SDK1: variants seen among roughly 807,000 people sequenced by gnomAD.
SDK1 encodes sidekick cell adhesion molecule 1, also known as protein sidekick-1.
SDK1 carries 157 observed loss-of-function variants against 245.5 expected under a neutral mutation model. The ratio of observed to expected loss-of-function variants is 0.64; its 90% CI spans 0.56 to 0.73. The LOEUF is 0.73. Among genes scored for constraint, SDK1 ranks in the 30% least tolerant of loss-of-function variants. The probability of loss-of-function intolerance (pLI) is 0.00; values close to 1 mark genes in which losing one functional copy is unlikely to be tolerated. For missense variants in SDK1, 3,583 were observed against 3,002.3 expected, an observed-to-expected ratio of 1.19 and a Z score of -4.52; for synonymous variants, 1,647 against 1,278.5, an observed-to-expected ratio of 1.29 and a Z score of -6.15.
intron 4 of SDK1, among the ~76,000 whole-genome samples, chr7:3,681,882 T>A (rs1784110408): frequency 6.6e-6 from 1 of 152,212 alleles, no homozygotes; most frequent in Admixed American, 6.5e-5. Flanking sequence ...TGTTTTAGAA[T>A]TCTGAGTTTT....
At chr7:3,644,243 T>TTATATATATATATATATATATATATA (rs66881824) in intron 4 of SDK1, among the ~76,000 whole-genome samples, 1 of 145,290 alleles carries the variant, frequency 6.9e-6, no homozygotes, top group East Asian at 2.0e-4. Context: ...GAACAAAAAT[T>TTATATATATATATATATATATATATA]TATATATATA....
intron 4 of SDK1, among the ~76,000 whole-genome samples, chr7:3,693,168 A>G (rs1784480673): frequency 6.6e-6 from 1 of 152,112 alleles, no homozygotes; most frequent in Admixed American, 6.6e-5. Context: ...AAAATGTTGT[A>G]TACTCATTTA....
At chr7:3,371,839 C>T (rs1030593187) in intron 1 of SDK1, among the ~76,000 whole-genome samples, 1 of 152,132 alleles carries the variant, frequency 6.6e-6, no homozygotes, top group Non-Finnish European at 1.5e-5. Flanking sequence ...GAGTAAATAG[C>T]ATAAGAAACC....
intron 1 of SDK1, among the ~76,000 whole-genome samples, chr7:3,543,808 A>G (rs1779125530): frequency 1.3e-5 from 2 of 152,166 alleles, no homozygotes. Context: ...CGAAAGGATG[A>G]TCTTTTCAGA....
intron 5 of SDK1, among the ~76,000 whole-genome samples, chr7:3,851,657 G>A (rs12532912): frequency 6.6e-6 from 1 of 151,716 alleles, no homozygotes; most frequent in South Asian, 2.1e-4. Context: ...GGCATTGGGC[G>A]GCTTGATATA....
chr7:3,657,635 C>G (rs1783229659), intron 4 of SDK1, among the ~76,000 whole-genome samples: 2 of 151,498 alleles, frequency 1.3e-5, no homozygotes, highest in Non-Finnish European at 2.9e-5. Context: ...GTCAAGCCAT[C>G]TGTTTGGCCT....
intron 29 of SDK1, among the ~76,000 whole-genome samples, chr7:4,146,421 A>G (rs1230890555): frequency 6.7e-6 from 1 of 149,134 alleles, no homozygotes; most frequent in Non-Finnish European, 1.5e-5. Flanking sequence ...TTTCAGCCTC[A>G]CACCTGCTCT....
intron 1 of SDK1, among the ~76,000 whole-genome samples, chr7:3,418,669 T>C (rs1232106487): frequency 6.6e-6 from 1 of 152,228 alleles, no homozygotes; most frequent in African/African-American, 2.4e-5. Flanking sequence ...TTGTTAAGAC[T>C]TTCCAGGGTA....
At chr7:3,594,171 C>G (rs1184840362) in intron 1 of SDK1, among the ~76,000 whole-genome samples, 1 of 152,144 alleles carries the variant, frequency 6.6e-6, no homozygotes, top group Non-Finnish European at 1.5e-5. Context: ...ATAGATTTGC[C>G]TACTAGGGAC....
At chr7:3,468,341 G>A (rs1388933505) in intron 1 of SDK1, among the ~76,000 whole-genome samples, 1 of 151,942 alleles carries the variant, frequency 6.6e-6, no homozygotes, top group Non-Finnish European at 1.5e-5. Context: ...CAAAATGAAG[G>A]CCTCAGAAGA....
In SDK1 at chr7:3,974,347, A is replaced by G. The variant is rs945815348; in HGVS notation, c.1818-22A>G. The G allele has an allele frequency of 1.9e-6, 3 of 1,602,968 alleles. No homozygotes were observed. The Admixed American group carries it at 5.0e-5, about 27-fold the overall frequency. The stretch of plus-strand genomic sequence containing the variant: ...CTGTCACTGTGGGGTTTGTAACTCA[A>G]GACCCTTTGCTTGGCCCACAGCTAC... On this transcript the variant is annotated intron_variant, in intron 12 of 44. Coordinates refer to ENST00000404826, the MANE Select transcript of SDK1 (RefSeq NM_152744.4).
At chr7:3,777,810 A>G (rs977053233) in intron 4 of SDK1, among the ~76,000 whole-genome samples, 9 of 152,238 alleles carry the variant, frequency 5.9e-5, no homozygotes, top group South Asian at 2.1e-4. Flanking sequence ...AATCATTATC[A>G]TAAGCTTAGA....
At chr7:3,986,969 T>C (rs561619821) in intron 13 of SDK1, among the ~76,000 whole-genome samples, 1 of 152,310 alleles carries the variant, frequency 6.6e-6, no homozygotes, top group East Asian at 1.9e-4. Context: ...TTCCATGAAA[T>C]TATGACCAGA....
At chr7:4,138,691 A>G (rs190960288) in intron 28 of SDK1, among the ~76,000 whole-genome samples, 41 of 151,510 alleles carry the variant, frequency 2.7e-4, no homozygotes, top group African/African-American at 9.7e-4. Flanking sequence ...AGGTTGCAGT[A>G]TAGCCGAGAT....
intron 12 of SDK1, among the ~76,000 whole-genome samples, chr7:3,972,104 G>A (rs1782534910): frequency 7.2e-6 from 1 of 138,396 alleles, no homozygotes; most frequent in South Asian, 2.3e-4. Flanking sequence ...TTTTGAGACA[G>A]AGCCTTGCTC....
Position 3,877,785 on chromosome 7 carries a change from T to G in SDK1, c.847+56202T>G, listed in dbSNP as rs1039325249. ...GTGGATAACCCCTTTCACTCAGTGC[T>G]CTATCACAGACATGTTTTCATGTCA... On this transcript the variant is annotated intron_variant, in intron 5 of 44. Transcript: ENST00000404826. Among the ~76,000 whole-genome samples, 5 of 152,230 alleles carry G rather than the reference T, an allele frequency of 3.3e-5. No individual in the cohort carries two copies. In the South Asian group the frequency reaches 1.0e-3, roughly 32 times the overall value.
chr7:3,705,011 T>C (rs1784844233), intron 4 of SDK1, among the ~76,000 whole-genome samples: 1 of 152,210 alleles, frequency 6.6e-6, no homozygotes, highest in African/African-American at 2.4e-5. Flanking sequence ...TATTTGGCTT[T>C]ATTTCTAGGC....
intron 5 of SDK1, among the ~76,000 whole-genome samples, chr7:3,842,048 A>G (rs1385311760): frequency 6.6e-6 from 1 of 152,200 alleles, no homozygotes; most frequent in African/African-American, 2.4e-5. Context: ...CCTTTTAACC[A>G]GCTGGCAGGA....
intron 35 of SDK1, among the ~76,000 whole-genome samples, chr7:4,188,314 T>G (rs1031525625): frequency 1.3e-5 from 2 of 152,236 alleles, no homozygotes; most frequent in African/African-American, 4.8e-5. Context: ...TTCTTTAATA[T>G]GGGCATTTAC....
Sources: allele counts gnomAD v4.1 joint callset (sites outside exome capture counted in the v4.1 genomes callset), GRCh38; gene constraint gnomAD v4.1.1; transcripts MANE v1.5; gene names NCBI Gene and HGNC (gene_info 2026-07-23, HGNC 2026-07-21).